The following SDK1 variants were observed in gnomAD, a reference collection of about 807,000 sequenced individuals.
The protein encoded by SDK1 is protein sidekick-1.
SDK1 carries 157 observed loss-of-function variants against 245.5 expected under a neutral mutation model. The observed-to-expected ratio is 0.64, with a 90% confidence interval of 0.56 to 0.73. The LOEUF is 0.73. SDK1 is among the 30% of genes least tolerant of loss of function. The pLI is 0.00. For missense variants in SDK1, 3,583 were observed against 3,002.3 expected, an observed-to-expected ratio of 1.19 and a Z score of -4.52; for synonymous variants, 1,647 against 1,278.5, an observed-to-expected ratio of 1.29 and a Z score of -6.15.
At chr7:4,242,184 G>A (rs900115019) in intron 43 of SDK1, among the ~76,000 whole-genome samples, 1 of 152,172 alleles carries the variant, frequency 6.6e-6, no homozygotes, top group Non-Finnish European at 1.5e-5. Context: ...GAACACCCAG[G>A]GGCTGCCAGG....
intron 4 of SDK1, among the ~76,000 whole-genome samples, chr7:3,660,490 G>A (rs376812733): frequency 5.3e-5 from 8 of 152,172 alleles, no homozygotes; most frequent in African/African-American, 1.9e-4. Context: ...GAGAGAAAGA[G>A]AGAGAGAGAT....
chr7:3,772,275 T>G (rs1040996620), intron 4 of SDK1, among the ~76,000 whole-genome samples: 29 of 152,282 alleles, frequency 1.9e-4, no homozygotes, highest in African/African-American at 6.7e-4. Flanking sequence ...CTACGTCTGT[T>G]TTTCTTGTAG....
At chr7:3,807,944 A>G (rs1022878929) in intron 4 of SDK1, among the ~76,000 whole-genome samples, 1 of 152,164 alleles carries the variant, frequency 6.6e-6, no homozygotes, top group Admixed American at 6.5e-5. Context: ...TCTCCTGCCA[A>G]CACTAAGGGA....
chr7:3,829,995 C>G (rs186882435), intron 5 of SDK1, among the ~76,000 whole-genome samples: 1 of 152,078 alleles, frequency 6.6e-6, no homozygotes, highest in Non-Finnish European at 1.5e-5. Flanking sequence ...TTTCTGATAA[C>G]AAAGTGGTTG....
chr7:4,234,194 A>G (rs1405844622), intron 41 of SDK1, among the ~76,000 whole-genome samples: 1 of 152,162 alleles, frequency 6.6e-6, no homozygotes, highest in Non-Finnish European at 1.5e-5. Flanking sequence ...GGTGAGCAGT[A>G]TTGCCGTCCC....
At chr7:4,114,709 T>A (rs908946776) in intron 25 of SDK1, among the ~76,000 whole-genome samples, 1 of 151,974 alleles carries the variant, frequency 6.6e-6, no homozygotes, top group African/African-American at 2.4e-5. Flanking sequence ...ATAATAGGAG[T>A]TTACTTCTCA....
intron 1 of SDK1, among the ~76,000 whole-genome samples, chr7:3,585,418 T>C (rs1463899396): frequency 6.6e-6 from 1 of 152,122 alleles, no homozygotes; most frequent in African/African-American, 2.4e-5. Flanking sequence ...AATGAGCGTA[T>C]AGGCTGCATA....
intron 1 of SDK1, among the ~76,000 whole-genome samples, chr7:3,451,321 G>A (rs1297435717): frequency 7.2e-5 from 11 of 152,150 alleles, no homozygotes; most frequent in Admixed American, 5.9e-4. Flanking sequence ...AGGAAGGAAC[G>A]TTTTAGGATT....
At chr7:3,988,199 C>T (rs1195811738) in intron 14 of SDK1, among the ~76,000 whole-genome samples, 2 of 149,886 alleles carry the variant, frequency 1.3e-5, no homozygotes, top group African/African-American at 4.9e-5. Context: ...TCCCAGCACC[C>T]CGCATTTCTA....
intron 17 of SDK1, among the ~76,000 whole-genome samples, chr7:4,029,064 G>C (rs1168748563): frequency 7.5e-6 from 1 of 134,110 alleles, no homozygotes; most frequent in Non-Finnish European, 1.6e-5. Context: ...TTCCGAGGGG[G>C]GTGGGGGTCA....
intron 1 of SDK1, among the ~76,000 whole-genome samples, chr7:3,609,546 A>G (rs949332300): frequency 9.2e-5 from 14 of 151,994 alleles, no homozygotes; most frequent in Non-Finnish European, 1.8e-4. Context: ...GATTACAGGC[A>G]CGTGCCACCA....
At chr7:3,980,558 C>G (rs376977486) in intron 13 of SDK1, among the ~76,000 whole-genome samples, 2 of 152,192 alleles carry the variant, frequency 1.3e-5, no homozygotes, top group South Asian at 4.1e-4. Context: ...GAAATGGATT[C>G]AGAATATATT....
In SDK1 at chr7:4,268,720, T is replaced by C. The variant is rs1298530831; in HGVS notation, c.*3336T>C. ...CGAGCAACCCGTCTGCGTACCTAAG[T>C]GTGGCTCCCCGTGGGTCAGCGTCCT... is the stretch of plus-strand genomic sequence containing the variant. On this transcript the variant is annotated 3_prime_UTR_variant, in exon 45 of 45. Transcript: ENST00000404826. 7.3e-7 allele frequency: 1 copy of C among 1,367,744 alleles called. No individual in the cohort carries two copies. The highest frequency in any genetic ancestry group is 9.8e-7 in the Non-Finnish European group (1 of 1,022,002). The allele number at this position is 1,367,744 out of a possible 1,614,324, so 84.7% of individuals were successfully genotyped here.
intron 32 of SDK1, among the ~76,000 whole-genome samples, chr7:4,173,346 C>G (rs982314879): frequency 1.3e-5 from 2 of 152,188 alleles, no homozygotes; most frequent in African/African-American, 4.8e-5. Context: ...TCAGATTTGT[C>G]TCCTGCGTGG....
At chr7:4,045,008 A>G (rs1788916191) in intron 17 of SDK1, among the ~76,000 whole-genome samples, 1 of 152,136 alleles carries the variant, frequency 6.6e-6, no homozygotes. Flanking sequence ...AACATCATAT[A>G]AATGGAGCAT....
intron 44 of SDK1, among the ~76,000 whole-genome samples, chr7:4,252,373 C>A (rs933679028): frequency 1.4e-4 from 21 of 152,260 alleles, no homozygotes; most frequent in African/African-American, 4.8e-4. Context: ...CATGACCCTA[C>A]AAAGGACATG....
intron 9 of SDK1, among the ~76,000 whole-genome samples, chr7:3,963,963 G>C (rs1441184435): frequency 6.6e-6 from 1 of 152,124 alleles, no homozygotes; most frequent in Non-Finnish European, 1.5e-5. Context: ...CTACCCAGAT[G>C]TATCCAGTGG....
In SDK1 at chr7:3,662,737, G is replaced by A. The variant is rs935287268; in HGVS notation, c.713+20632G>A. Reference sequence around the variant, plus strand: ...TATATACAAATTATATACAGGTTGAGCATCCCACATCTGAAAATCTGAAAT... The same window carrying A: ...TATATACAAATTATATACAGGTTGAACATCCCACATCTGAAAATCTGAAAT... On this transcript the variant is annotated intron_variant, in intron 4 of 44. Transcript: ENST00000404826. Among the ~76,000 whole-genome samples, 4 of 152,268 alleles carry A rather than the reference G, an allele frequency of 2.6e-5. No individual in the cohort carries two copies. In the East Asian group the frequency reaches 7.7e-4, roughly 29 times the overall value.
chr7:3,842,646 T>C (rs1780187228), intron 5 of SDK1, among the ~76,000 whole-genome samples: 2 of 152,088 alleles, frequency 1.3e-5, no homozygotes, highest in African/African-American at 4.8e-5. Context: ...TGACGAACAA[T>C]CGTGAGTCCA....
Sources: allele counts gnomAD v4.1 joint callset (sites outside exome capture counted in the v4.1 genomes callset), GRCh38; gene constraint gnomAD v4.1.1; transcripts MANE v1.5; gene names NCBI Gene and HGNC (gene_info 2026-07-23, HGNC 2026-07-21).